CNTNAP2: variants seen among roughly 807,000 people sequenced by gnomAD.
CNTNAP2 encodes the protein contactin associated protein 2.
Under a neutral mutation model 155.2 loss-of-function variants are expected in CNTNAP2, and 98 were observed. The observed-to-expected ratio is 0.63, with a 90% CI of 0.54 to 0.75. CNTNAP2 has a LOEUF of 0.75. CNTNAP2 is among the 30% of genes least tolerant of loss of function. CNTNAP2 has a pLI of 0.00. For missense variants in CNTNAP2, 1,727 were observed against 1,688.1 expected, an observed-to-expected ratio of 1.02 and a Z score of -0.40; for synonymous variants, 651 against 631.2, an observed-to-expected ratio of 1.03 and a Z score of -0.47.
At chr7:147,683,157 A>G (rs958139223) in intron 13 of CNTNAP2, among the ~76,000 whole-genome samples, 11 of 151,936 alleles carry the variant, frequency 7.2e-5, no homozygotes, top group Non-Finnish European at 1.2e-4. Context: ...TAATATGTTC[A>G]AGTAACAAAA....
At chr7:146,765,353 T>C (rs769339034) in intron 1 of CNTNAP2, among the ~76,000 whole-genome samples, 4 of 152,210 alleles carry the variant, frequency 2.6e-5, no homozygotes, top group Non-Finnish European at 5.9e-5. Flanking sequence ...GATCATGGGA[T>C]GAAGCCATTT....
chr7:146,293,874 G>A (rs981382026), intron 1 of CNTNAP2, among the ~76,000 whole-genome samples: 2 of 152,062 alleles, frequency 1.3e-5, no homozygotes, highest in Non-Finnish European at 2.9e-5. Flanking sequence ...TGTAAAAGTG[G>A]TTCTTTTTTT....
intron 3 of CNTNAP2, among the ~76,000 whole-genome samples, chr7:146,956,280 C>T (rs1038952090): frequency 1.3e-5 from 2 of 152,006 alleles, no homozygotes; most frequent in Non-Finnish European, 2.9e-5. Flanking sequence ...AGTGCATGAC[C>T]GTGGTAATAT....
intron 1 of CNTNAP2, among the ~76,000 whole-genome samples, chr7:146,133,505 T>C (rs563762846): frequency 1.1e-4 from 17 of 152,306 alleles, no homozygotes; most frequent in Non-Finnish European, 1.9e-4. Context: ...ATGTCCTGAA[T>C]GGTAATGCCT....
Position 146,151,659 on chromosome 7 carries a change from T to A in CNTNAP2, c.97+34686T>A, listed in dbSNP as rs201031992. ...TGATATATATATATATATATATATA[T>A]ATATATATATATATATATATATGTA... On this transcript the variant is annotated intron_variant, in intron 1 of 23. Transcript: ENST00000361727. Among the ~76,000 whole-genome samples, 3 of 37,566 alleles carry A rather than the reference T, an allele frequency of 8.0e-5. No individual in the cohort carries two copies. In the East Asian group the frequency reaches 2.4e-3, roughly 30 times the overall value. 24.6% of individuals were successfully genotyped at this position (37,566 alleles called of 152,430 possible).
intron 13 of CNTNAP2, among the ~76,000 whole-genome samples, chr7:147,689,826 A>G (rs1174202337): frequency 6.6e-6 from 1 of 152,192 alleles, no homozygotes. Flanking sequence ...ATAAAAAAAA[A>G]ATTTCAAATT....
chr7:147,059,528 T>A (rs57717587), intron 4 of CNTNAP2, among the ~76,000 whole-genome samples: 34,537 of 151,728 alleles, frequency 0.23, 4,779 homozygotes, highest in African/African-American at 0.38. Context: ...TTAAGTATAG[T>A]ACTATCCCCA....
At chr7:147,019,447 A>G (rs926232130) in intron 3 of CNTNAP2, among the ~76,000 whole-genome samples, 1 of 152,080 alleles carries the variant, frequency 6.6e-6, no homozygotes, top group East Asian at 1.9e-4. Flanking sequence ...ACAAACACAA[A>G]GTAAATTCAA....
At chr7:147,680,966 C>T (rs1435964057) in intron 13 of CNTNAP2, among the ~76,000 whole-genome samples, 1 of 151,746 alleles carries the variant, frequency 6.6e-6, no homozygotes, top group Non-Finnish European at 1.5e-5. Flanking sequence ...CGTTATATAA[C>T]TCATGTATAA....
At chr7:148,124,804 A>G (rs1044053069) in intron 16 of CNTNAP2, among the ~76,000 whole-genome samples, 1 of 152,208 alleles carries the variant, frequency 6.6e-6, no homozygotes, top group Non-Finnish European at 1.5e-5. Context: ...AATTACAATG[A>G]TAGGCACAAA....
chr7:147,348,356 AAAG>A (rs1795912698), intron 9 of CNTNAP2, among the ~76,000 whole-genome samples: 1 of 139,482 alleles, frequency 7.2e-6, no homozygotes, highest in Admixed American at 7.6e-5. Context: ...ACATTTCTCA[AAAG>A]AAGACATACA....
chr7:146,911,157 C>G (rs1475376331), intron 3 of CNTNAP2, among the ~76,000 whole-genome samples: 1 of 151,792 alleles, frequency 6.6e-6, no homozygotes, highest in Non-Finnish European at 1.5e-5. Flanking sequence ...CAGGATACAA[C>G]AGGTGCTGGA....
intron 12 of CNTNAP2, among the ~76,000 whole-genome samples, chr7:147,567,276 C>T (rs554087711): frequency 3.7e-4 from 57 of 152,082 alleles, no homozygotes; most frequent in Middle Eastern, 3.4e-3. Flanking sequence ...GGGTGTTATG[C>T]GGCTGAGAAA....
In CNTNAP2 at chr7:146,836,861, T is replaced by C. The variant is rs138875818; in HGVS notation, c.209-2850T>C. Among the ~76,000 whole-genome samples, 396 of 152,234 alleles carry C rather than the reference T, an allele frequency of 2.6e-3. 3 individuals carry two copies. The highest frequency in any genetic ancestry group is 9.2e-3 in the African/African-American group (381 of 41,556). On this transcript the variant is annotated intron_variant, in intron 2 of 23. Coordinates refer to ENST00000361727, the MANE Select transcript of CNTNAP2 (RefSeq NM_014141.6). ...TTACGTTATTTTTATATTTAAAATA[T>C]ATTTTTGCTGGACATAGAATTTCAG...
At chr7:146,272,038 G>A (rs802559) in intron 1 of CNTNAP2, among the ~76,000 whole-genome samples, 10,385 of 152,114 alleles carry the variant, frequency 0.068, 989 homozygotes, top group African/African-American at 0.21. Flanking sequence ...ATCTAACACT[G>A]TGTATTAGTC....
At chr7:147,255,555 T>A (rs564286452) in intron 8 of CNTNAP2, among the ~76,000 whole-genome samples, 33 of 152,248 alleles carry the variant, frequency 2.2e-4, no homozygotes, top group African/African-American at 7.5e-4. Flanking sequence ...GGGTACTATG[T>A]ATTTTAAAGT....
chr7:146,886,323 T>G (rs1185150982), intron 3 of CNTNAP2, among the ~76,000 whole-genome samples: 3 of 151,246 alleles, frequency 2.0e-5, no homozygotes, highest in Non-Finnish European at 4.4e-5. Flanking sequence ...AGCACCAATC[T>G]CACTTTCAAA....
rs150805649 is a variant in CNTNAP2, at chr7:148,220,600, G to A, written c.3247+3076G>A. On this transcript the variant is annotated intron_variant, in intron 19 of 23. Coordinates refer to ENST00000361727, the MANE Select transcript of CNTNAP2 (RefSeq NM_014141.6). ...ACATGAACAAGATCCAGCCTTGAATGTGAAATATTAGCTCCATAAAAAATA... is the reference window on the plus strand; with the variant it reads ...ACATGAACAAGATCCAGCCTTGAATATGAAATATTAGCTCCATAAAAAATA... 3.6e-3 allele frequency among the ~76,000 whole-genome samples: 547 copies of A among 150,724 alleles called. 5 individuals are homozygous for A. The highest frequency in any genetic ancestry group is 0.013 in the African/African-American group (521 of 41,150).
rs530419796 is a variant in CNTNAP2, at chr7:148,346,462, C to T, written c.3476-37187C>T. The stretch of plus-strand genomic sequence containing the variant: ...TATTAAGTTGGTGCAGTAATGATTG[C>T]GATTTTTGCCATTGAAAGTAATGCT... On this transcript the variant is annotated intron_variant, in intron 21 of 23. Coordinates refer to ENST00000361727, the MANE Select transcript of CNTNAP2 (RefSeq NM_014141.6). 8.5e-5 allele frequency among the ~76,000 whole-genome samples: 13 copies of T among 152,216 alleles called. No homozygotes were observed. The South Asian group carries it at 2.7e-3, about 32-fold the overall frequency.
Sources: gnomAD v4.1 joint callset for allele counts (sites outside exome capture counted in the v4.1 genomes callset) on GRCh38, gnomAD v4.1.1 for gene constraint, MANE v1.5 for transcripts, NCBI Gene and HGNC (gene_info 2026-07-23, HGNC 2026-07-21) for gene names.